The following DST variants were observed in gnomAD, a reference collection of about 807,000 sequenced individuals.
The protein encoded by DST is bullous pemphigoid antigen.
In DST, 253 loss-of-function variants were observed where a neutral mutation model predicts 875.2. That is an observed-to-expected ratio of 0.29 (90% CI 0.26 to 0.32). The LOEUF is 0.32. Among genes scored for constraint, DST ranks in the 10% least tolerant of loss-of-function variants. DST has a pLI of 1.00. For missense variants in DST, 8,287 were observed against 9,111.6 expected (o/e 0.91, Z 3.68); for synonymous variants, 3,124 against 3,197.1 (o/e 0.98, Z 0.77).
intron 43 of DST, chr6:56,602,081 G>A: frequency 3.0e-6 from 1 of 338,414 alleles, no homozygotes; most frequent in Non-Finnish European, 5.6e-6. Context: ...TACTTTGAGG[G>A]ATTTGAAATA....
chr6:56,578,680 A>T, intron 50 of DST, 134 bp downstream of exon 50: 1 of 888,410 alleles, frequency 1.1e-6, no homozygotes, highest in South Asian at 2.1e-5. Flanking sequence ...TCCCAGATGC[A>T]GGAACACCAT....
chr6:56,859,896 C>T (rs959257595), intron 3 of DST, among the ~76,000 whole-genome samples: 10 of 152,210 alleles, frequency 6.6e-5, no homozygotes, highest in East Asian at 5.8e-4. Flanking sequence ...TAAATCAAGT[C>T]GAGCCTCCGC....
chr6:56,951,287 T>C (rs1412200325), intron 2 of DST, among the ~76,000 whole-genome samples: 8 of 152,158 alleles, frequency 5.3e-5, no homozygotes, highest in Admixed American at 5.2e-4. Flanking sequence ...ATGGTAGAAA[T>C]GCTGAAAGTG....
chr6:56,866,215 CT>C (rs1774003214), intron 3 of DST, among the ~76,000 whole-genome samples: 1 of 152,120 alleles, frequency 6.6e-6, no homozygotes, highest in Non-Finnish European at 1.5e-5. Context: ...CCAGGCTAGT[CT>C]CGAACACCTG....
At chr6:56,735,107 T>C in intron 5 of DST, 121 bp downstream of exon 5, 1 of 742,262 alleles carries the variant, frequency 1.3e-6, no homozygotes. Flanking sequence ...CAAAATTCTC[T>C]AGAATTTAAA....
At chr6:56,843,428 G>T in intron 4 of DST, 4 of 1,056,462 alleles carry the variant, frequency 3.8e-6, no homozygotes, top group Non-Finnish European at 4.6e-6. Flanking sequence ...AAATCTCAGC[G>T]AGCCCAGGGG....
At chr6:56,712,656 C>T (rs1414987316) in intron 5 of DST, among the ~76,000 whole-genome samples, 3 of 152,172 alleles carry the variant, frequency 2.0e-5, no homozygotes, top group Admixed American at 2.0e-4. Flanking sequence ...GACACCATTA[C>T]AGTCTTATTC....
chr6:56,745,488 G>A (rs532560525), intron 4 of DST, among the ~76,000 whole-genome samples: 2 of 152,140 alleles, frequency 1.3e-5, no homozygotes, highest in South Asian at 4.2e-4. Flanking sequence ...TACAATATTA[G>A]AAATAAGACA....
In DST at chr6:56,608,261, C is replaced by G; in HGVS notation, c.6367G>C (p.Ala2123Pro). Residue 2123 changes from alanine to proline, a missense_variant, in exon 40 of 104, where the codon GCT becomes CCT. Ala to Pro is a conservative substitution (Grantham distance 27). Around this residue, in one of 10 missense-constraint regions of DST, gnomAD observed 3,138 missense variants for 3,116.6 expected, o/e 1.01. Transcript: ENST00000680361. ...PESSQVIGLD[A>P]AKQLGIIDNN... The stretch of plus-strand genomic sequence containing the variant: ...TCTATAATTCCTAGCTGTTTAGCAG[C>G]ATCCAAACCAATGACTTGAGAACTT... 3 of 1,613,702 alleles carry G rather than the reference C, an allele frequency of 1.9e-6. No homozygotes were observed. The highest frequency in any genetic ancestry group is 2.5e-6 in the Non-Finnish European group (3 of 1,179,766).
At chr6:56,591,498 C>T (rs2098271517) in intron 49 of DST, among the ~76,000 whole-genome samples, 1 of 152,092 alleles carries the variant, frequency 6.6e-6, no homozygotes, top group Non-Finnish European at 1.5e-5. Context: ...GCTGTGAATA[C>T]AGCAATGAAT....
At chr6:56,521,487 A>C (rs949964224) in intron 69 of DST, among the ~76,000 whole-genome samples, 20 of 151,610 alleles carry the variant, frequency 1.3e-4, no homozygotes, top group African/African-American at 4.6e-4. Context: ...TTTAAAAAAA[A>C]AAAAAAACTT....
chr6:56,673,644 T>C (rs927757447), intron 9 of DST, among the ~76,000 whole-genome samples: 29 of 152,220 alleles, frequency 1.9e-4, no homozygotes, highest in Admixed American at 1.7e-3. Context: ...AAGTTTCCAA[T>C]AGATGAATTT....
chr6:56,616,828 C>T lies in DST; in HGVS notation c.4930-2344G>A, dbSNP rs1191776591. On this transcript the variant is annotated intron_variant, in intron 36 of 103. Transcript: ENST00000680361. ...AAGAATAAGAATATCCCACAGCTGC[C>T]TTCTCTGCCTCAAGAAGCCTAATTC... The T allele has an allele frequency of 4.3e-6, 7 of 1,614,032 alleles. No individual in the cohort carries two copies. In the African/African-American group the frequency reaches 8.0e-5, roughly 18 times the overall value.
intron 9 of DST, among the ~76,000 whole-genome samples, chr6:56,673,203 C>T (rs1563600621): frequency 6.6e-6 from 1 of 152,098 alleles, no homozygotes; most frequent in African/African-American, 2.4e-5. Flanking sequence ...CATGATCACG[C>T]CACTGCGCTC....
rs528725417 is a variant in DST at position 56,778,788 on chromosome 6, G to C, written c.626-43499C>G. Among the ~76,000 whole-genome samples, 8 of 151,886 alleles carry C rather than the reference G, an allele frequency of 5.3e-5. No individual in the cohort carries two copies. The South Asian group carries it at 8.3e-4, about 16-fold the overall frequency. ...TTTCTTAATCCAGTCTATTATTGTT[G>C]GACATTTGGCTTGGTTCCAAGTCTT... On this transcript the variant is annotated intron_variant, in intron 4 of 103. Transcript: ENST00000680361.
At chr6:56,909,481 CAT>C (rs938465636) in intron 2 of DST, among the ~76,000 whole-genome samples, 15 of 152,218 alleles carry the variant, frequency 9.9e-5, no homozygotes, top group Admixed American at 9.8e-4. Flanking sequence ...TGAATAACTA[CAT>C]GAAAGAGGCC....
At chr6:56,836,856 A>G (rs1427268988) in intron 4 of DST, among the ~76,000 whole-genome samples, 1 of 147,532 alleles carries the variant, frequency 6.8e-6, no homozygotes, top group Non-Finnish European at 1.5e-5. Context: ...ATCTCAAAAA[A>G]AAAAAAAGAA....
At chr6:56,812,374 C>G (rs1227499414) in intron 4 of DST, among the ~76,000 whole-genome samples, 1 of 152,082 alleles carries the variant, frequency 6.6e-6, no homozygotes, top group Non-Finnish European at 1.5e-5. Context: ...GGTCATAACT[C>G]ATTCTAATTA....
chr6:56,582,210 T>C (rs2098017682), intron 49 of DST, among the ~76,000 whole-genome samples: 1 of 152,230 alleles, frequency 6.6e-6, no homozygotes, highest in South Asian at 2.1e-4. Context: ...TGATATAGTT[T>C]GGATATTTGT....
Sources: allele counts gnomAD v4.1 joint callset (sites outside exome capture counted in the v4.1 genomes callset), GRCh38; gene constraint gnomAD v4.1.1; regional missense constraint gnomAD v4.1.1; transcripts MANE v1.5; gene names NCBI Gene and HGNC (gene_info 2026-07-23, HGNC 2026-07-21).